FILIP1L: variants seen among roughly 807,000 people sequenced by gnomAD.
FILIP1L encodes filamin A-interacting protein 1-like.
A neutral mutation model predicts 96.6 loss-of-function variants in FILIP1L; 55 were observed. The ratio of observed to expected loss-of-function variants is 0.57; its 90% CI spans 0.46 to 0.71. FILIP1L has a LOEUF of 0.71. Ranked by LOEUF, FILIP1L falls within the 30% of genes least tolerant of loss-of-function variation. The probability of loss-of-function intolerance (pLI) is 0.00; values close to 1 mark genes in which losing one functional copy is unlikely to be tolerated. For missense variants in FILIP1L, 1,304 were observed against 1,321.2 expected (o/e 0.99, Z 0.20); for synonymous variants, 467 against 473.9 (o/e 0.99, Z 0.19).
intron 1 of FILIP1L, among the ~76,000 whole-genome samples, chr3:99,942,686 G>A (rs148885324): frequency 2.6e-5 from 4 of 152,128 alleles, no homozygotes; most frequent in Non-Finnish European, 2.9e-5. Flanking sequence ...ATAACTAGCC[G>A]GGCATGGTGG....
intron 1 of FILIP1L, among the ~76,000 whole-genome samples, chr3:99,955,587 T>C (rs1042631705): frequency 9.2e-5 from 14 of 152,186 alleles, no homozygotes; most frequent in African/African-American, 3.1e-4. Flanking sequence ...GACACTTTTT[T>C]ACTTGTGAAA....
chr3:99,917,018 T>C (rs369271151), intron 4 of FILIP1L, among the ~76,000 whole-genome samples: 71 of 152,356 alleles, frequency 4.7e-4, no homozygotes, highest in African/African-American at 1.7e-3. Flanking sequence ...TTAGTGGCTC[T>C]TATTCCTCTT....
At chr3:100,071,790 C>G (rs1219988013) in intron 1 of FILIP1L, among the ~76,000 whole-genome samples, 2 of 152,306 alleles carry the variant, frequency 1.3e-5, no homozygotes, top group Non-Finnish European at 2.9e-5. Context: ...TGTCTTCTTC[C>G]TGCCCTGGTC....
chr3:100,000,466 C>T (rs1709810389), intron 1 of FILIP1L, among the ~76,000 whole-genome samples: 1 of 152,032 alleles, frequency 6.6e-6, no homozygotes, highest in East Asian at 1.9e-4. Flanking sequence ...GCTGCTAGGC[C>T]AAATCAAGGA....
At chr3:99,969,961 A>G (rs1708766402) in intron 1 of FILIP1L, among the ~76,000 whole-genome samples, 1 of 152,258 alleles carries the variant, frequency 6.6e-6, no homozygotes, top group South Asian at 2.1e-4. Context: ...AATTCAACAA[A>G]TGAGGCTGTT....
intron 1 of FILIP1L, among the ~76,000 whole-genome samples, chr3:100,021,011 C>T (rs920822079): frequency 6.6e-6 from 1 of 152,086 alleles, no homozygotes; most frequent in African/African-American, 2.4e-5. Context: ...GTGATCTGCC[C>T]GCCTTGGCCT....
chr3:99,842,504 CAAAA>C (rs10935983), intron 5 of FILIP1L, among the ~76,000 whole-genome samples: 2 of 131,526 alleles, frequency 1.5e-5, no homozygotes, highest in Non-Finnish European at 3.3e-5. Context: ...TAAAACAGGC[CAAAA>C]AAAAAAAAAA....
At chr3:100,050,243 G>A (rs1317600794) in intron 1 of FILIP1L, among the ~76,000 whole-genome samples, 4 of 152,124 alleles carry the variant, frequency 2.6e-5, no homozygotes, top group Non-Finnish European at 4.4e-5. Flanking sequence ...ACACTGTGGT[G>A]CTGTATTAAC....
At chr3:99,947,048 G>T (rs1708030191) in intron 1 of FILIP1L, among the ~76,000 whole-genome samples, 1 of 143,768 alleles carries the variant, frequency 7.0e-6, no homozygotes, top group African/African-American at 2.6e-5. Context: ...GAGGCAGGGA[G>T]AATCACTTGC....
intron 1 of FILIP1L, among the ~76,000 whole-genome samples, chr3:100,010,493 T>G (rs1710112856): frequency 1.3e-5 from 2 of 152,134 alleles, no homozygotes; most frequent in African/African-American, 4.8e-5. Context: ...CATGCTTACT[T>G]CAGAGAATCC....
chr3:100,070,605 A>G (rs2065744935), intron 1 of FILIP1L, among the ~76,000 whole-genome samples: 1 of 152,092 alleles, frequency 6.6e-6, no homozygotes, highest in African/African-American at 2.4e-5. Flanking sequence ...TAAAGACTTC[A>G]TATCATCGTG....
chr3:99,880,201 A>G (rs747278492), intron 4 of FILIP1L, among the ~76,000 whole-genome samples: 3 of 152,054 alleles, frequency 2.0e-5, no homozygotes, highest in Non-Finnish European at 2.9e-5. Context: ...CTAGACAATC[A>G]TTTTTCTAAT....
intron 5 of FILIP1L, among the ~76,000 whole-genome samples, chr3:99,834,530 C>T (rs1942816896): frequency 6.6e-6 from 1 of 152,152 alleles, no homozygotes; most frequent in Non-Finnish European, 1.5e-5. Context: ...TTGTGTCAGA[C>T]CAAGCATCAG....
Position 99,855,732 on chromosome 3 carries a change from T to C in FILIP1L, c.606-4662A>G, listed in dbSNP as rs578004576. ...AAGTGTGTATCTCTCAGAGCAGGGG[T>C]TTTTAAATGTTTGTTCTTATATCTG... On this transcript the variant is annotated intron_variant, in intron 4 of 5. Coordinates refer to ENST00000477258, the MANE Select transcript of FILIP1L (RefSeq NM_001387850.1). Among the ~76,000 whole-genome samples the C allele has an allele frequency of 3.9e-5, 6 of 152,194 alleles. No homozygotes were observed. In the East Asian group the frequency reaches 1.2e-3, roughly 29 times the overall value.
At chr3:100,103,396 T>C (rs955862974) in intron 1 of FILIP1L, among the ~76,000 whole-genome samples, 5 of 152,232 alleles carry the variant, frequency 3.3e-5, no homozygotes, top group Non-Finnish European at 7.3e-5. Flanking sequence ...GCCACACAAG[T>C]ACTGGCATGA....
chr3:100,016,291 C>T (rs140823515), intron 1 of FILIP1L, among the ~76,000 whole-genome samples: 3,722 of 152,294 alleles, frequency 0.024, 119 homozygotes, highest in Admixed American at 0.084. Flanking sequence ...CTCCTGGGTT[C>T]AAGTGATTCT....
chr3:99,929,513 AGTGTGT>A (rs10629410), intron 3 of FILIP1L, among the ~76,000 whole-genome samples: 25 of 148,282 alleles, frequency 1.7e-4, no homozygotes, highest in Non-Finnish European at 2.2e-4. Context: ...AAGTTCCCAG[AGTGTGT>A]GTGTGTGTGT....
intron 5 of FILIP1L, 83 bp downstream of exon 5, chr3:99,848,212 A>ATT: frequency 6.4e-7 from 1 of 1,571,178 alleles, no homozygotes; most frequent in Non-Finnish European, 8.6e-7. Context: ...TGGAGGGATG[A>ATT]TTAAAAAAGG....
intron 1 of FILIP1L, among the ~76,000 whole-genome samples, chr3:100,051,793 G>A (rs936985570): frequency 6.7e-6 from 1 of 150,234 alleles, no homozygotes; most frequent in African/African-American, 2.4e-5. Context: ...CTTTGCTATT[G>A]TGAATAGTGC....
Sources: gnomAD v4.1 joint callset for allele counts (sites outside exome capture counted in the v4.1 genomes callset) on GRCh38, gnomAD v4.1.1 for gene constraint, MANE v1.5 for transcripts, NCBI Gene and HGNC (gene_info 2026-07-23, HGNC 2026-07-21) for gene names.